GCN1: variants seen among roughly 807,000 people sequenced by gnomAD.
GCN1 encodes the protein stalled ribosome sensor GCN1.
Under a neutral mutation model 288.4 loss-of-function variants are expected in GCN1, and 90 were observed. The ratio of observed to expected loss-of-function variants is 0.31; its 90% CI spans 0.26 to 0.37. The LOEUF (loss-of-function observed/expected upper bound fraction) is 0.37. Ranked by LOEUF, GCN1 falls within the 10% of genes least tolerant of loss-of-function variation. The pLI is 1.00. For synonymous variants in GCN1, 1,386 were observed against 1,420.2 expected (o/e 0.98, Z 0.54); for missense variants, 2,586 against 3,419.9 (o/e 0.76, Z 6.08).
At position 120,175,149 on chromosome 12, in the gene GCN1, A is replaced by T; in HGVS notation, c.1093+13T>A. On this transcript the variant is annotated intron_variant, in intron 12 of 57. Coordinates refer to ENST00000300648, the MANE Select transcript of GCN1 (RefSeq NM_006836.2). ...CTCAAAAAAAAAAAAAAAAAAAAAA[A>T]GAAATCCTATACCTGAGAGGACGCT... 2 of 1,507,396 alleles carry T rather than the reference A, an allele frequency of 1.3e-6. No individual in the cohort carries two copies. The highest frequency in any genetic ancestry group is 1.8e-6 in the Non-Finnish European group (2 of 1,125,844). 93.4% of individuals were successfully genotyped at this position (1,507,396 alleles called of 1,614,324 possible). A position where few individuals can be genotyped will look rare whatever the true frequency, so the allele number is the denominator to read the frequency against.
Position 120,159,861 on chromosome 12 carries a change from C to A in GCN1, c.2713G>T (p.Ala905Ser). ...AGCCTAGAGGGCATGACACAGGCAG[C>A]CAAGGACAAGAAGGGGTTCTTGATC... ...PRIKNPFLSLAACVMPSRLKA... is the reference protein window; with the variant it reads ...PRIKNPFLSLSACVMPSRLKA... The change falls in exon 24 of 58, where the codon GCT becomes TCT. Residue 905 changes from alanine (A) to serine (S), a missense_variant. Physicochemically the swap from Ala to Ser is moderately conservative, Grantham distance 99. Coordinates refer to ENST00000300648, the MANE Select transcript of GCN1 (RefSeq NM_006836.2). 2 of 1,614,192 alleles carry A rather than the reference C, an allele frequency of 1.2e-6. No individual in the cohort carries two copies. Among genetic ancestry groups the A allele is most frequent in the Non-Finnish European group, 1.7e-6 (2 of 1,180,032 alleles).
At position 120,164,656 on chromosome 12, in the gene GCN1, T is replaced by C. The variant is rs1198053138; in HGVS notation, c.1678A>G (p.Asn560Asp). 1 of 1,613,344 alleles carries C rather than the reference T, an allele frequency of 6.2e-7. No individual in the cohort carries two copies. The highest frequency in any genetic ancestry group is 8.5e-7 in the Non-Finnish European group (1 of 1,179,378). Residue 560 changes from asparagine (N) to aspartate (D), a missense_variant, in exon 17 of 58, where the codon AAC (asparagine) becomes GAC (aspartate). Asn to Asp is a conservative substitution (Grantham distance 23). Coordinates refer to ENST00000300648, the MANE Select transcript of GCN1 (RefSeq NM_006836.2). ...GCCAGCCTCACGTACTGAACTTTGT[T>C]GCCAGTGAGTCTATGCGGGTGGTCA... ...FLDHPHRLTG[N>D]KVQQYHRALV...
intron 5 of GCN1, among the ~76,000 whole-genome samples, chr12:120,180,726 C>T (rs545012199): frequency 3.3e-5 from 5 of 151,778 alleles, no homozygotes; most frequent in East Asian, 2.0e-4. Context: ...CGGTGGCTCA[C>T]GCCTGTAATC....
At chr12:120,173,627 G>T (rs80028628) in intron 14 of GCN1, 26 bp downstream of exon 14, 8 of 1,464,336 alleles carry the variant, frequency 5.5e-6, no homozygotes, top group Non-Finnish European at 7.6e-6. Context: ...AGGAGACCTG[G>T]ACACTAGCCC....
At chr12:120,163,677 A>G (rs904072997) in intron 18 of GCN1, among the ~76,000 whole-genome samples, 30 of 152,190 alleles carry the variant, frequency 2.0e-4, no homozygotes, top group African/African-American at 7.2e-4. Context: ...TTGAACTCCT[A>G]GAACCCTGGT....
intron 1 of GCN1, among the ~76,000 whole-genome samples, chr12:120,194,035 T>C (rs1490901424): frequency 1.3e-5 from 2 of 152,270 alleles, no homozygotes; most frequent in Admixed American, 1.3e-4. Flanking sequence ...GGTAACACTC[T>C]TCCTGGACAG....
intron 57 of GCN1, among the ~76,000 whole-genome samples, chr12:120,128,837 CTTTTTTTT>C (rs35329199): frequency 1.0e-5 from 1 of 98,414 alleles, no homozygotes; most frequent in African/African-American, 4.6e-5. Flanking sequence ...TCACCCAAAT[CTTTTTTTT>C]TTTTTTTTTT....
Position 120,127,720 on chromosome 12 carries a change from G to T in GCN1, c.*129C>A. The T allele has an allele frequency of 2.0e-6, 2 of 1,011,120 alleles. No homozygotes were observed. Among genetic ancestry groups the T allele is most frequent in the East Asian group, 2.4e-5 (1 of 41,470 alleles). 62.6% of individuals were successfully genotyped at this position (1,011,120 alleles called of 1,614,324 possible). A position where few individuals can be genotyped will look rare whatever the true frequency, so the allele number is the denominator to read the frequency against. The stretch of plus-strand genomic sequence containing the variant: ...GGTTTGATTTAAGGCTTTGGCTGTG[G>T]TCTATTGATATTAAAATACTTTCTG... On this transcript the variant is annotated 3_prime_UTR_variant, in exon 58 of 58. Transcript: ENST00000300648.
rs1400994873 is a variant in GCN1, at chr12:120,194,656, T to TGGCCCCGCAGCCGCCCGCCTC, written c.18+3_18+23dup. The TGGCCCCGCAGCCGCCCGCCTC allele has an allele frequency of 1.5e-5, 22 of 1,514,010 alleles. No homozygotes were observed. In the African/African-American group the frequency reaches 2.7e-4, roughly 19 times the overall value. 93.8% of individuals were successfully genotyped at this position (1,514,010 alleles called of 1,614,324 possible). A position where few individuals can be genotyped will look rare whatever the true frequency, so the allele number is the denominator to read the frequency against. ...GTCCGCACCCAGTCCCTGGCCGCGT[T>TGGCCCCGCAGCCGCCCGCCTC]GGCCCCGCAGCCGCCCGCCTCACCT... On this transcript the variant is annotated intron_variant, in intron 1 of 57. Transcript: ENST00000300648.
rs1349635871 is a variant in GCN1, at chr12:120,147,083, A to G, written c.4916T>C (p.Ile1639Thr). The change falls in exon 38 of 58, where the codon ATT (isoleucine) becomes ACT (threonine). Residue 1639 changes from isoleucine (I) to threonine (T), a missense_variant. By Grantham distance (89) the Ile-to-Thr change is moderately conservative (BLOSUM62 -1). Transcript: ENST00000300648. The part of the protein sequence containing the change: ...TDTRKMAAQI[I>T]GNMYSLTDQK... ...GTCTGTCAGGGAGTACATGTTGCCAATAATCTGGGCTGCCATCTTCCGCGT... is the reference window on the plus strand; with the variant it reads ...GTCTGTCAGGGAGTACATGTTGCCAGTAATCTGGGCTGCCATCTTCCGCGT... 2 of 1,590,742 alleles carry G rather than the reference A, an allele frequency of 1.3e-6. No homozygotes were observed. Among genetic ancestry groups the G allele is most frequent in the Non-Finnish European group, 1.7e-6 (2 of 1,163,564 alleles).
chr12:120,143,358 G>A (rs1029487409), intron 42 of GCN1, among the ~76,000 whole-genome samples: 4 of 152,246 alleles, frequency 2.6e-5, no homozygotes, highest in Non-Finnish European at 5.9e-5. Context: ...CAAGGCAGGC[G>A]GATCACCTGA....
intron 26 of GCN1, among the ~76,000 whole-genome samples, chr12:120,157,301 T>C (rs1170991245): frequency 6.6e-6 from 1 of 152,250 alleles, no homozygotes; most frequent in African/African-American, 2.4e-5. Flanking sequence ...AGATTATCAT[T>C]CTTTCACTCA....
At chr12:120,141,458 C>T (rs376150055) in intron 44 of GCN1, among the ~76,000 whole-genome samples, 4 of 152,302 alleles carry the variant, frequency 2.6e-5, no homozygotes, top group African/African-American at 9.6e-5. Flanking sequence ...ATTTGCTTGC[C>T]AAGGATGGGG....
chr12:120,179,290 G>C (rs1878576331), intron 5 of GCN1, among the ~76,000 whole-genome samples: 1 of 151,782 alleles, frequency 6.6e-6, no homozygotes, highest in South Asian at 2.1e-4. Context: ...GAGTGCAGTG[G>C]CACAATCTCG....
Position 120,190,317 on chromosome 12 carries a change from C to G in GCN1, c.102G>C (p.Gly34=). Residue 34 remains glycine (G), a synonymous_variant, in exon 2 of 58, where the codon GGG becomes GGC. Coordinates refer to ENST00000300648, the MANE Select transcript of GCN1 (RefSeq NM_006836.2). ...AAATACCTTTTCCAGCAACACACTT[C>G]CCAAGTTCACTGAGGATTTCTCTCC... ...KERREILSEL[G]KCVAGKDLPE... 6.3e-7 allele frequency: 1 copy of G among 1,579,334 alleles called. No individual in the cohort carries two copies. The highest frequency in any genetic ancestry group is 8.7e-7 in the Non-Finnish European group (1 of 1,148,484).
intron 34 of GCN1, 118 bp from the exon 35 acceptor site, chr12:120,150,161 C>T (rs1877493953): frequency 5.1e-6 from 5 of 979,828 alleles, no homozygotes; most frequent in Non-Finnish European, 7.5e-6. Flanking sequence ...CACTCAGAAA[C>T]AGCTGTGGAA....
Position 120,153,353 on chromosome 12 carries a change from T to C in GCN1, c.3922A>G (p.Asn1308Asp), listed in dbSNP as rs1239011310. Residue 1308 changes from asparagine to aspartate, a missense_variant, in exon 33 of 58, where the codon AAT (asparagine) becomes GAT (aspartate). Around this residue, in one of 8 missense-constraint regions of GCN1, gnomAD observed 332 missense variants for 403.0 expected, o/e 0.82. Transcript: ENST00000300648. This position sits in a 1 kb window ranked among gnomAD's most constrained non-coding sequence, Gnocchi z 4.4. ...CGCACAGCATCATAGCTGGCATCATTGGGCGCGTTCTTCAGGAACTCCTCG... is the reference window on the plus strand; with the variant it reads ...CGCACAGCATCATAGCTGGCATCATCGGGCGCGTTCTTCAGGAACTCCTCG... ...VFEEFLKNAP[N>D]DASYDAVRQS... The C allele has an allele frequency of 1.2e-6, 2 of 1,614,080 alleles. No individual in the cohort carries two copies. Among genetic ancestry groups the C allele is most frequent in the East Asian group, 4.5e-5 (2 of 44,892 alleles).
At chr12:120,184,533 A>C (rs901253881) in intron 3 of GCN1, among the ~76,000 whole-genome samples, 1 of 152,202 alleles carries the variant, frequency 6.6e-6, no homozygotes, top group Admixed American at 6.5e-5. Flanking sequence ...CACATGACTA[A>C]ATGGCAGCAT....
intron 16 of GCN1, 120 bp from the exon 17 acceptor site, chr12:120,164,841 T>C: frequency 1.7e-6 from 1 of 601,442 alleles, no homozygotes; most frequent in South Asian, 2.5e-5. Flanking sequence ...AATGTGATTA[T>C]CACTCGAAGT....
Sources: gnomAD v4.1 joint callset for allele counts (sites outside exome capture counted in the v4.1 genomes callset) on GRCh38, gnomAD v4.1.1 for gene constraint, gnomAD v4.1.1 regional missense constraint, Gnocchi (gnomAD v3.1) non-coding constraint, MANE v1.5 for transcripts, NCBI Gene and HGNC (gene_info 2026-07-23, HGNC 2026-07-21) for gene names.